Variants in FUT8 observed in about 807,000 individuals in gnomAD.
The protein encoded by FUT8 is alpha-(1,6)-fucosyltransferase.
In FUT8, 29 loss-of-function variants were observed where a neutral mutation model predicts 71.3. That is an observed-to-expected ratio of 0.41 (90% CI 0.30 to 0.55). FUT8 has a LOEUF of 0.55. FUT8 is among the 20% of genes least tolerant of loss of function. The probability of loss-of-function intolerance (pLI) is 0.34; values close to 1 mark genes in which losing one functional copy is unlikely to be tolerated. For synonymous variants in FUT8, 254 were observed against 239.3 expected (o/e 1.06, Z -0.57); for missense variants, 544 against 702.1 (o/e 0.77, Z 2.55).
At chr14:65,568,747 G>T (rs1226093186) in intron 3 of FUT8, among the ~76,000 whole-genome samples, 1 of 151,074 alleles carries the variant, frequency 6.6e-6, no homozygotes, top group African/African-American at 2.4e-5. Flanking sequence ...TAGTATATAT[G>T]TCATTTAAGT....
intron 3 of FUT8, among the ~76,000 whole-genome samples, chr14:65,570,028 T>C (rs1452521097): frequency 6.6e-6 from 1 of 152,082 alleles, no homozygotes; most frequent in Non-Finnish European, 1.5e-5. Context: ...CTTTGCTCTT[T>C]GGTCTCTTGC....
At chr14:65,719,900 A>C (rs1012288729) in intron 7 of FUT8, among the ~76,000 whole-genome samples, 6 of 152,192 alleles carry the variant, frequency 3.9e-5, no homozygotes, top group Non-Finnish European at 5.9e-5. Context: ...ACTACACTAG[A>C]CCAGACCTGA....
chr14:65,390,725 C>CTTTT, the FUT8 span, among the ~76,000 whole-genome samples: 4 of 134,660 alleles, frequency 3.0e-5, no homozygotes, highest in Non-Finnish European at 3.1e-5. Flanking sequence ...ATTTCCTATT[C>CTTTT]TTTTTTTTTT....
intron 1 of FUT8, among the ~76,000 whole-genome samples, chr14:65,446,616 T>G (rs2065744834): frequency 6.6e-6 from 1 of 152,124 alleles, no homozygotes. Context: ...TTCTTTATTT[T>G]TATTTACCAG....
chr14:65,629,443 G>T (rs1196832115), intron 5 of FUT8, 49 bp from the exon 6 acceptor site: 1 of 1,175,674 alleles, frequency 8.5e-7, no homozygotes. Context: ...GTGTAATCCA[G>T]TGAAGCAGTA....
At chr14:65,650,909 G>C (rs1401701238) in intron 6 of FUT8, among the ~76,000 whole-genome samples, 1 of 152,112 alleles carries the variant, frequency 6.6e-6, no homozygotes, top group African/African-American at 2.4e-5. Flanking sequence ...CCTTCCCCAG[G>C]TGCTGTAGCT....
intron 10 of FUT8, among the ~76,000 whole-genome samples, chr14:65,738,068 A>G (rs1463690340): frequency 6.6e-6 from 1 of 152,124 alleles, no homozygotes; most frequent in East Asian, 1.9e-4. Flanking sequence ...ATTACTTCCC[A>G]GAGCAGAAGA....
At chr14:65,626,876 A>G (rs1306272027) in intron 5 of FUT8, among the ~76,000 whole-genome samples, 3 of 152,246 alleles carry the variant, frequency 2.0e-5, no homozygotes, top group African/African-American at 7.2e-5. Flanking sequence ...AATCTTAAGC[A>G]TGCCAGAGGA....
chr14:65,604,305 A>G (rs1412354247), intron 3 of FUT8, among the ~76,000 whole-genome samples: 1 of 151,886 alleles, frequency 6.6e-6, no homozygotes, highest in African/African-American at 2.4e-5. Flanking sequence ...TATACATTCT[A>G]TTCATCAGCG....
At chr14:65,547,271 T>C (rs1566815324) in intron 2 of FUT8, among the ~76,000 whole-genome samples, 1 of 151,662 alleles carries the variant, frequency 6.6e-6, no homozygotes, top group Non-Finnish European at 1.5e-5. Context: ...CTGTGAACCT[T>C]TTACGTATTT....
chr14:65,656,955 C>A (rs1410134518), intron 6 of FUT8, among the ~76,000 whole-genome samples: 1 of 152,038 alleles, frequency 6.6e-6, no homozygotes, highest in Admixed American at 6.6e-5. Context: ...TCCATATGCT[C>A]AGGAATTATA....
intron 3 of FUT8, among the ~76,000 whole-genome samples, chr14:65,594,037 A>G (rs574981771): frequency 6.6e-6 from 1 of 152,262 alleles, no homozygotes; most frequent in Non-Finnish European, 1.5e-5. Flanking sequence ...CAAATTTCAC[A>G]GTGCCAGATT....
At chr14:65,673,725 A>G (rs1156631833) in intron 7 of FUT8, among the ~76,000 whole-genome samples, 2 of 152,204 alleles carry the variant, frequency 1.3e-5, no homozygotes, top group Non-Finnish European at 2.9e-5. Context: ...CAGGATTTCC[A>G]TTTTGATGGT....
intron 3 of FUT8, among the ~76,000 whole-genome samples, chr14:65,583,073 A>G (rs1359592640): frequency 2.0e-5 from 3 of 152,204 alleles, no homozygotes; most frequent in Non-Finnish European, 4.4e-5. Flanking sequence ...TTAAAACTTA[A>G]CATCTTTAGA....
the FUT8 span, among the ~76,000 whole-genome samples, chr14:65,397,519 G>C: frequency 6.6e-6 from 1 of 152,214 alleles, no homozygotes; most frequent in Admixed American, 6.5e-5. This position sits in a 1 kb window ranked among gnomAD's most constrained non-coding sequence, Gnocchi z 4.2. Context: ...GGTTTTCTCT[G>C]GGTACTCTGG....
At chr14:65,448,186 G>A (rs1198788480) in intron 1 of FUT8, among the ~76,000 whole-genome samples, 1 of 152,162 alleles carries the variant, frequency 6.6e-6, no homozygotes, top group Non-Finnish European at 1.5e-5. Context: ...TGGAAGTGGA[G>A]CTGGTACTAG....
chr14:65,451,617 A>G lies in FUT8; in HGVS notation c.-325-4004A>G, dbSNP rs80320898. On this transcript the variant is annotated intron_variant, in intron 1 of 10. Transcript: ENST00000673929. ...GAGCTCTTGTCTGGCGCCCAGGAAA[A>G]ATGAGGTTACATGAATGAATTGAAA... 5.7e-3 allele frequency among the ~76,000 whole-genome samples: 872 copies of G among 152,318 alleles called. 30 individuals are homozygous for G. In the East Asian group the frequency reaches 0.093, roughly 16 times the overall value.
chr14:65,672,459 G>GT (rs548773505), intron 7 of FUT8, among the ~76,000 whole-genome samples: 179 of 152,026 alleles, frequency 1.2e-3, no homozygotes, highest in African/African-American at 3.9e-3. Flanking sequence ...TTTATTTATT[G>GT]TTTTTTGTTT....
intron 2 of FUT8, among the ~76,000 whole-genome samples, chr14:65,513,645 A>AAAAAC (rs1555366916): frequency 1.3e-5 from 1 of 76,588 alleles, no homozygotes; most frequent in Non-Finnish European, 2.7e-5. Context: ...AAACAAAATC[A>AAAAAC]AAAACAAAAC....
Sources: allele counts gnomAD v4.1 joint callset (sites outside exome capture counted in the v4.1 genomes callset), GRCh38; gene constraint gnomAD v4.1.1; non-coding constraint Gnocchi (gnomAD v3.1); transcripts MANE v1.5; gene names NCBI Gene and HGNC (gene_info 2026-07-23, HGNC 2026-07-21).